SHANK2: variants seen among roughly 807,000 people sequenced by gnomAD.
The protein encoded by SHANK2 is SH3 and multiple ankyrin repeat domains protein 2.
In SHANK2, 43 loss-of-function variants were observed where a neutral mutation model predicts 133.7. The ratio of observed to expected loss-of-function variants is 0.32; its 90% CI spans 0.25 to 0.41. The LOEUF is 0.41. Ranked by LOEUF, SHANK2 falls within the 10% of genes least tolerant of loss-of-function variation. The pLI, the probability that SHANK2 is intolerant of heterozygous loss-of-function variation, is 1.00. For missense variants in SHANK2, 1,994 were observed against 2,235.8 expected, an observed-to-expected ratio of 0.89 and a Z score of 2.18; for synonymous variants, 1,017 against 952.8, an observed-to-expected ratio of 1.07 and a Z score of -1.24.
chr11:70,499,438 G>A (rs1045449963), intron 21 of SHANK2, among the ~76,000 whole-genome samples: 7 of 152,278 alleles, frequency 4.6e-5, no homozygotes, highest in South Asian at 2.1e-4. Context: ...GGCCACAGGC[G>A]CCCACGGTGG....
chr11:70,490,262 G>A lies in SHANK2; in HGVS notation c.2551+14C>T. 6.2e-7 allele frequency: 1 copy of A among 1,604,666 alleles called. No homozygotes were observed. Among genetic ancestry groups the A allele is most frequent in the African/African-American group, 1.3e-5 (1 of 74,870 alleles). On this transcript the variant is annotated intron_variant, in intron 23 of 25. Coordinates refer to ENST00000601538, the MANE Select transcript of SHANK2 (RefSeq NM_012309.5). The stretch of plus-strand genomic sequence containing the variant: ...CCAGGGGCAACTTCTGTGGGGGAGT[G>A]CCACACTTCTTACCTATTGATTTCT...
At chr11:70,662,911 G>A (rs1234681550) in intron 15 of SHANK2, among the ~76,000 whole-genome samples, 4 of 152,070 alleles carry the variant, frequency 2.6e-5, no homozygotes, top group African/African-American at 9.7e-5. Flanking sequence ...GGAGTGAGAT[G>A]AAGGCTACCG....
intron 11 of SHANK2, among the ~76,000 whole-genome samples, chr11:70,896,039 T>TGAA (rs1160282765): frequency 6.6e-6 from 1 of 152,114 alleles, no homozygotes; most frequent in African/African-American, 2.4e-5. Context: ...GGTTCACTCT[T>TGAA]GGGCTTGTAC....
chr11:70,745,884 G>A (rs893402234), intron 14 of SHANK2, among the ~76,000 whole-genome samples: 5 of 152,254 alleles, frequency 3.3e-5, no homozygotes, highest in African/African-American at 7.2e-5. Flanking sequence ...GACCTCGAGC[G>A]AGCGTTATTC....
At chr11:70,943,748 C>T (rs1348988147) in intron 10 of SHANK2, among the ~76,000 whole-genome samples, 1 of 152,168 alleles carries the variant, frequency 6.6e-6, no homozygotes, top group African/African-American at 2.4e-5. Context: ...TTAACTTTTA[C>T]AGCAACAATG....
chr11:70,877,037 C>G (rs972461095), intron 11 of SHANK2, among the ~76,000 whole-genome samples: 1 of 152,202 alleles, frequency 6.6e-6, no homozygotes, highest in African/African-American at 2.4e-5. Flanking sequence ...AAAGGAGTAA[C>G]TATTGCTTCC....
intron 14 of SHANK2, among the ~76,000 whole-genome samples, chr11:70,729,388 A>C (rs947594322): frequency 6.6e-5 from 10 of 151,906 alleles, no homozygotes; most frequent in Non-Finnish European, 1.2e-4. Flanking sequence ...GGGCTGGGGG[A>C]AATAGGGAGG....
chr11:70,531,522 G>C (rs923040223), intron 17 of SHANK2, among the ~76,000 whole-genome samples: 1 of 152,244 alleles, frequency 6.6e-6, no homozygotes, highest in Non-Finnish European at 1.5e-5. Flanking sequence ...GCCCCAGGGA[G>C]GCCTGGGATC....
intron 2 of SHANK2, among the ~76,000 whole-genome samples, chr11:71,182,492 CCAGG>C (rs1422680922): frequency 6.6e-6 from 1 of 152,184 alleles, no homozygotes; most frequent in Non-Finnish European, 1.5e-5. Context: ...GGCATCTGCT[CCAGG>C]CCTGTCCCCC....
intron 12 of SHANK2, among the ~76,000 whole-genome samples, chr11:70,811,555 T>C (rs1479144764): frequency 6.6e-6 from 1 of 151,892 alleles, no homozygotes; most frequent in Non-Finnish European, 1.5e-5. Context: ...CCACTATCCA[T>C]CATCGATCCA....
intron 2 of SHANK2, among the ~76,000 whole-genome samples, chr11:71,197,010 A>AAAAC (rs1555116301): frequency 8.0e-5 from 12 of 150,322 alleles, no homozygotes; most frequent in African/African-American, 1.2e-4. Flanking sequence ...AAAAAAAAAA[A>AAAAC]AAAAAAAAAC....
chr11:70,655,088 A>C (rs574450639), intron 17 of SHANK2, among the ~76,000 whole-genome samples: 10 of 152,236 alleles, frequency 6.6e-5, no homozygotes, highest in African/African-American at 2.2e-4. Flanking sequence ...TTCCCTTAGC[A>C]TGGATTCCTA....
chr11:71,137,247 T>A (rs1408714554), intron 3 of SHANK2, among the ~76,000 whole-genome samples: 1 of 104,884 alleles, frequency 9.5e-6, no homozygotes, highest in Admixed American at 9.6e-5. Context: ...AAAGTTTTAG[T>A]CTTTTCTTTT....
At chr11:70,905,162 A>G (rs1555077669) in intron 10 of SHANK2, among the ~76,000 whole-genome samples, 1 of 152,090 alleles carries the variant, frequency 6.6e-6, no homozygotes, top group Non-Finnish European at 1.5e-5. Context: ...AGCCAGCCAG[A>G]CAGGCAGGTG....
At chr11:70,746,632 G>T (rs947775672) in intron 14 of SHANK2, among the ~76,000 whole-genome samples, 12 of 152,148 alleles carry the variant, frequency 7.9e-5, no homozygotes, top group African/African-American at 2.7e-4. Context: ...CCATCTCCCC[G>T]CTGCTTTCAG....
At chr11:70,931,870 CTAA>C in intron 10 of SHANK2, among the ~76,000 whole-genome samples, 1 of 152,324 alleles carries the variant, frequency 6.6e-6, no homozygotes. Flanking sequence ...GAAAATCATA[CTAA>C]TGTTTTTTAT....
In SHANK2 at chr11:71,175,489, T is replaced by C. The variant is rs1555112947; in HGVS notation, c.-12-28151A>G. Among the ~76,000 whole-genome samples the C allele has an allele frequency of 7.4e-6, 1 of 135,742 alleles. No homozygotes were observed. Among genetic ancestry groups the C allele is most frequent in the Non-Finnish European group, 1.5e-5 (1 of 65,006 alleles). 89.1% of individuals were successfully genotyped at this position (135,742 alleles called of 152,430 possible). On this transcript the variant is annotated intron_variant, in intron 2 of 25. Coordinates refer to ENST00000601538, the MANE Select transcript of SHANK2 (RefSeq NM_012309.5). This position sits in a 1 kb window ranked among gnomAD's most constrained non-coding sequence, Gnocchi z 4.2. ...TAGACCAAGGCTGGTGAAAGAGAAG[T>C]GGGGACAAAAAAGGCAGAGGGGCAG... is the stretch of plus-strand genomic sequence containing the variant.
At chr11:70,677,845 C>T (rs960556093) in intron 15 of SHANK2, among the ~76,000 whole-genome samples, 3 of 152,206 alleles carry the variant, frequency 2.0e-5, no homozygotes, top group South Asian at 2.1e-4. Flanking sequence ...GCAAACTTCT[C>T]GCTGAGGAAG....
At chr11:70,692,234 T>C (rs1017199049) in intron 15 of SHANK2, among the ~76,000 whole-genome samples, 1 of 152,206 alleles carries the variant, frequency 6.6e-6, no homozygotes. Context: ...GAGGCAGTCT[T>C]CTAGAGCGCA....
Sources: gnomAD v4.1 joint callset for allele counts (sites outside exome capture counted in the v4.1 genomes callset) on GRCh38, gnomAD v4.1.1 for gene constraint, Gnocchi (gnomAD v3.1) non-coding constraint, MANE v1.5 for transcripts, NCBI Gene and HGNC (gene_info 2026-07-23, HGNC 2026-07-21) for gene names.